The following ZNF48 variants were observed in gnomAD, a reference collection of about 807,000 sequenced individuals.
The protein encoded by ZNF48 is zinc finger protein 553.
ZNF48 carries 20 observed loss-of-function variants against 40.0 expected under a neutral mutation model. The ratio of observed to expected loss-of-function variants is 0.50; its 90% confidence interval spans 0.35 to 0.73. The LOEUF (loss-of-function observed/expected upper bound fraction) is 0.73, where lower values mean the gene tolerates loss of function less well. Ranked by LOEUF, ZNF48 falls within the 30% of genes least tolerant of loss-of-function variation. ZNF48 has a pLI of 0.01. For synonymous variants in ZNF48, 298 were observed against 329.7 expected (o/e 0.90, Z 1.04); for missense variants, 726 against 851.9 (o/e 0.85, Z 1.84).
In ZNF48 at chr16:30,382,893, G is replaced by A; in HGVS notation, c.-16+4483G>A. ...GAGCTGATTAGAAAACAGTTCCCAG[G>A]ACGGGCAAGGTGGCTCTCGCCTGTA... On this transcript the variant is annotated intron_variant, in intron 1 of 2. Coordinates refer to the ZNF48 transcript ENST00000528032. This position sits in a 1 kb window ranked among gnomAD's most constrained non-coding sequence, Gnocchi z 4.8. 9.4e-7 allele frequency: 1 copy of A among 1,064,976 alleles called. No homozygotes were observed. Among genetic ancestry groups the A allele is most frequent in the Non-Finnish European group, 1.4e-6 (1 of 717,678 alleles). The allele number at this position is 1,064,976 out of a possible 1,614,324, so 66.0% of individuals were successfully genotyped here. A position where few individuals can be genotyped will look rare whatever the true frequency, so the allele number is the denominator to read the frequency against.
upstream of ZNF48, among the ~76,000 whole-genome samples, chr16:30,392,755 A>C (rs1407652022): frequency 6.6e-6 from 1 of 152,218 alleles, no homozygotes; most frequent in Non-Finnish European, 1.5e-5. Context: ...TAAAGACAGT[A>C]TCTGCACCCA....
chr16:30,383,534 A>G (rs2049876020), intron 1 of ZNF48, among the ~76,000 whole-genome samples: 1 of 152,214 alleles, frequency 6.6e-6, no homozygotes, highest in Non-Finnish European at 1.5e-5. Flanking sequence ...ACCAGAAGCC[A>G]TGATGGGATT....
intron 1 of ZNF48, among the ~76,000 whole-genome samples, chr16:30,385,221 T>TA (rs1428639852): frequency 6.2e-5 from 8 of 128,220 alleles, no homozygotes; most frequent in African/African-American, 2.6e-4. Flanking sequence ...ATAATAATAA[T>TA]ATAAATAAAT....
At chr16:30,378,880 G>A (rs1352910351) in intron 1 of ZNF48, 1 of 787,148 alleles carries the variant, frequency 1.3e-6, no homozygotes, top group Non-Finnish European at 2.0e-6. Context: ...CGGAGAGAGG[G>A]AGGGAGGGAG....
upstream of ZNF48, among the ~76,000 whole-genome samples, chr16:30,393,791 C>T (rs2049959255): frequency 6.6e-6 from 1 of 151,526 alleles, no homozygotes; most frequent in South Asian, 2.1e-4. Flanking sequence ...ATATGGTTTA[C>T]TGCAGCCTCA....
chr16:30,379,172 G>A, intron 1 of ZNF48: 3 of 1,614,166 alleles, frequency 1.9e-6, no homozygotes, highest in Non-Finnish European at 2.5e-6. Flanking sequence ...TCGCAGTGAT[G>A]TGGGTTCTCC....
chr16:30,392,794 G>A (rs951409744), upstream of ZNF48, among the ~76,000 whole-genome samples: 3 of 152,118 alleles, frequency 2.0e-5, no homozygotes, highest in Non-Finnish European at 4.4e-5. Flanking sequence ...ATCTCTGTGC[G>A]CTACACTCCT....
intron 1 of ZNF48, among the ~76,000 whole-genome samples, chr16:30,388,682 A>G (rs2049919509): frequency 1.3e-5 from 2 of 150,612 alleles, no homozygotes; most frequent in South Asian, 4.2e-4. Context: ...TAAGGTCAGG[A>G]GTTCAAGACC....
At chr16:30,379,504 A>G (rs1313199117) in intron 1 of ZNF48, 1 of 1,613,850 alleles carries the variant, frequency 6.2e-7, no homozygotes, top group Non-Finnish European at 8.5e-7. Flanking sequence ...ACCACCTCGC[A>G]TGATCCCACG....
In ZNF48 at chr16:30,399,108, C is replaced by T. The variant is rs777518438; in HGVS notation, c.*1C>T. 1.2e-5 allele frequency: 19 copies of T among 1,575,324 alleles called. No individual in the cohort carries two copies. Among genetic ancestry groups the T allele is most frequent in the Middle Eastern group, 1.7e-4 (1 of 5,882 alleles). The stretch of plus-strand genomic sequence containing the variant: ...GGAGGCAGCAACAGGACTGGAATGA[C>T]GCGGTCCAGGGAGGGCGGAGGCCCA... On this transcript the variant is annotated 3_prime_UTR_variant, in exon 3 of 3. Coordinates refer to ENST00000613509, the MANE Select transcript of ZNF48 (RefSeq NM_001214909.2).
chr16:30,385,034 G>T (rs1234928505), intron 1 of ZNF48, among the ~76,000 whole-genome samples: 1 of 152,002 alleles, frequency 6.6e-6, no homozygotes, highest in Non-Finnish European at 1.5e-5. Context: ...AAATTAGCAG[G>T]GCGTGATGGC....
At chr16:30,384,173 C>T (rs2049881323) in intron 1 of ZNF48, among the ~76,000 whole-genome samples, 1 of 151,934 alleles carries the variant, frequency 6.6e-6, no homozygotes, top group Non-Finnish European at 1.5e-5. Context: ...CGAGATTGCA[C>T]CGCTACACTC....
chr16:30,391,004 G>T (rs757222480), upstream of ZNF48, among the ~76,000 whole-genome samples: 68 of 152,052 alleles, frequency 4.5e-4, no homozygotes, highest in Non-Finnish European at 6.9e-4. Context: ...CTCCCAAAGT[G>T]CTGGGATTAG....
At position 30,379,891 on chromosome 16, in the gene ZNF48, GC is replaced by G. The variant is rs769436369; in HGVS notation, c.-16+1483del. The G allele has an allele frequency of 2.7e-6, 3 of 1,098,006 alleles. No homozygotes were observed. The South Asian group carries it at 3.9e-5, about 14-fold the overall frequency. The allele number at this position is 1,098,006 out of a possible 1,614,324, so 68.0% of individuals were successfully genotyped here. A position where few individuals can be genotyped will look rare whatever the true frequency, so the allele number is the denominator to read the frequency against. On this transcript the variant is annotated intron_variant, in intron 1 of 2. Coordinates refer to the ZNF48 transcript ENST00000528032. The stretch of plus-strand genomic sequence containing the variant: ...CAAAGTGCTGGGATTACAGACGTGA[GC>G]CACCGTGCCCGGCCTGCCTTCCTTC...
At chr16:30,387,453 G>A (rs2049910692) in intron 1 of ZNF48, among the ~76,000 whole-genome samples, 1 of 147,864 alleles carries the variant, frequency 6.8e-6, no homozygotes, top group Admixed American at 6.7e-5. Context: ...TATTCGGGAG[G>A]CTGAGGCAGG....
At position 30,398,651 on chromosome 16, in the gene ZNF48, G is replaced by A; in HGVS notation, c.1401G>A (p.Val467=). 1 of 1,612,978 alleles carries A rather than the reference G, an allele frequency of 6.2e-7. No homozygotes were observed. Among genetic ancestry groups the A allele is most frequent in the Non-Finnish European group, 8.5e-7 (1 of 1,179,840 alleles). Reference sequence around the variant, plus strand: ...GCTTCCGCCGAAGCTCTGACCTGGTGAAACACCATCGTGTGCACACAGGGG... The same window carrying A: ...GCTTCCGCCGAAGCTCTGACCTGGTAAAACACCATCGTGTGCACACAGGGG... ...GKGFRRSSDL[V]KHHRVHTGEK... The change falls in exon 3 of 3, where the codon GTG becomes GTA. Residue 467 remains valine, a synonymous_variant. Coordinates refer to ENST00000613509, the MANE Select transcript of ZNF48 (RefSeq NM_001214909.2). The surrounding 1 kb of genome is among the most constrained non-coding windows in gnomAD (Gnocchi z 6.6).
intron 1 of ZNF48, among the ~76,000 whole-genome samples, chr16:30,387,759 A>C (rs1479478324): frequency 6.6e-6 from 1 of 151,512 alleles, no homozygotes; most frequent in Non-Finnish European, 1.5e-5. Context: ...GGGTTTCACC[A>C]TGTTGTCCAG....
chr16:30,398,760 G>C lies in ZNF48; in HGVS notation c.1510G>C (p.Glu504Gln). The change falls in exon 3 of 3, where the codon GAA becomes CAA. Residue 504 changes from glutamate to glutamine, a missense_variant. By Grantham distance (29) the Glu-to-Gln change is conservative (BLOSUM62 2). Coordinates refer to ENST00000613509, the MANE Select transcript of ZNF48 (RefSeq NM_001214909.2). The surrounding 1 kb of genome is among the most constrained non-coding windows in gnomAD (Gnocchi z 6.6). ...RVKHLRTHRGERARPPPPSTL... is the reference protein window; with the variant it reads ...RVKHLRTHRGQRARPPPPSTL... Reference sequence around the variant, plus strand: ...CAAGCACCTCCGCACCCACCGTGGTGAACGGGCCCGGCCACCACCACCATC... The same window carrying C: ...CAAGCACCTCCGCACCCACCGTGGTCAACGGGCCCGGCCACCACCACCATC... The C allele has an allele frequency of 6.2e-7, 1 of 1,613,684 alleles. No individual in the cohort carries two copies. The highest frequency in any genetic ancestry group is 2.2e-5 in the East Asian group (1 of 44,874).
chr16:30,388,635 TC>T (rs1233064856), intron 1 of ZNF48, among the ~76,000 whole-genome samples: 1 of 152,074 alleles, frequency 6.6e-6, no homozygotes, highest in African/African-American at 2.4e-5. Flanking sequence ...ACGCCTGTAA[TC>T]CCAGCACTTT....
Sources: gnomAD v4.1 joint callset for allele counts (sites outside exome capture counted in the v4.1 genomes callset) on GRCh38, gnomAD v4.1.1 for gene constraint, Gnocchi (gnomAD v3.1) non-coding constraint, MANE v1.5 for transcripts, NCBI Gene and HGNC (gene_info 2026-07-23, HGNC 2026-07-21) for gene names.